SLC35E2B: variants seen among roughly 807,000 people sequenced by gnomAD.
SLC35E2B encodes solute carrier family 35 member E2B, also known as solute carrier family 35, member E2B.
SLC35E2B carries 18 observed loss-of-function variants against 32.4 expected under a neutral mutation model. The observed-to-expected ratio is 0.56, with a 90% CI of 0.38 to 0.82. The LOEUF (loss-of-function observed/expected upper bound fraction) is 0.82, where lower values mean the gene tolerates loss of function less well. Ranked by LOEUF, SLC35E2B falls within the 40% of genes least tolerant of loss-of-function variation. The pLI is 0.00. For synonymous variants in SLC35E2B, 132 were observed against 209.1 expected (o/e 0.63, Z 3.18); for missense variants, 263 against 469.5 (o/e 0.56, Z 4.06).
At chr1:1,685,113 A>C (rs536965280) in intron 2 of SLC35E2B, among the ~76,000 whole-genome samples, 1 of 151,834 alleles carries the variant, frequency 6.6e-6, no homozygotes, top group East Asian at 1.9e-4. Flanking sequence ...CGTCTCAAAA[A>C]AAAAAAAAAA....
In SLC35E2B at chr1:1,663,866, C is replaced by T; in HGVS notation, c.*1916G>A. On this transcript the variant is annotated 3_prime_UTR_variant, in exon 10 of 10. Transcript: ENST00000617444. ...CGCAGCGCAGTGAGCACACACCTGG[C>T]CTGTCCTCCACACACAGGTCAGCGG... 7 of 895,012 alleles carry T rather than the reference C, an allele frequency of 7.8e-6. No homozygotes were observed. The highest frequency in any genetic ancestry group is 9.4e-6 in the Non-Finnish European group (7 of 746,824). 55.4% of individuals were successfully genotyped at this position (895,012 alleles called of 1,614,324 possible).
intron 2 of SLC35E2B, among the ~76,000 whole-genome samples, chr1:1,688,332 C>A (rs1025891862): frequency 1.3e-5 from 2 of 152,080 alleles, no homozygotes; most frequent in Non-Finnish European, 2.9e-5. Flanking sequence ...AACGGCCGGG[C>A]GCGCTGGCTC....
At chr1:1,679,045 C>T (rs934242534) in intron 2 of SLC35E2B, among the ~76,000 whole-genome samples, 3 of 152,178 alleles carry the variant, frequency 2.0e-5, no homozygotes, top group African/African-American at 7.2e-5. Flanking sequence ...GCCTCACGGC[C>T]CTTGACCTCT....
In SLC35E2B at chr1:1,685,265, A is replaced by G. The variant is rs188058238; in HGVS notation, c.-148+5711T>C. Among the ~76,000 whole-genome samples the G allele has an allele frequency of 2.7e-3, 416 of 151,872 alleles. 4 individuals carry two copies. The highest frequency in any genetic ancestry group is 0.02 in the South Asian group (98 of 4,808). The stretch of plus-strand genomic sequence containing the variant: ...GACGAAACCTCATCTCTACCAAAAA[A>G]GTACAAAAATTAGGCCTGGGCACGG... On this transcript the variant is annotated intron_variant, in intron 2 of 9. Coordinates refer to ENST00000617444, the MANE Select transcript of SLC35E2B (RefSeq NM_001290264.2).
At position 1,670,086 on chromosome 1, in the gene SLC35E2B, A is replaced by G. The variant is rs370941743; in HGVS notation, c.761+12T>C. The G allele has an allele frequency of 5.0e-4, 773 of 1,549,078 alleles. 4 individuals are homozygous for G. The highest frequency in any genetic ancestry group is 9.3e-4 in the East Asian group (38 of 40,918). On this transcript the variant is annotated intron_variant, in intron 7 of 9. Transcript: ENST00000617444. ...TTATGACTTGGAGATTTCACTGACGAATAATACTTACGAGAACCTGTATTT... is the reference window on the plus strand; with the variant it reads ...TTATGACTTGGAGATTTCACTGACGGATAATACTTACGAGAACCTGTATTT...
At chr1:1,667,910 T>C (rs1570311531) in intron 9 of SLC35E2B, among the ~76,000 whole-genome samples, 1 of 151,618 alleles carries the variant, frequency 6.6e-6, no homozygotes, top group African/African-American at 2.4e-5. Flanking sequence ...TGGAGTGCAG[T>C]GGTGAGATCT....
At chr1:1,686,228 T>C (rs1418372906) in intron 2 of SLC35E2B, among the ~76,000 whole-genome samples, 1 of 151,850 alleles carries the variant, frequency 6.6e-6, no homozygotes, top group Non-Finnish European at 1.5e-5. Flanking sequence ...GGTCTCGAAC[T>C]CCTGACCTCG....
chr1:1,678,464 T>A (rs2101107930), intron 2 of SLC35E2B, among the ~76,000 whole-genome samples: 1 of 152,044 alleles, frequency 6.6e-6, no homozygotes, highest in Admixed American at 6.6e-5. Context: ...CCCCTCCCCC[T>A]GCTGTGTGTG....
In SLC35E2B at chr1:1,665,914, AAC is replaced by A. The variant is rs1643530331; in HGVS notation, c.1084_1085del (p.Val362TrpfsTer56). 6.4e-7 allele frequency: 1 copy of A among 1,551,238 alleles called. No individual in the cohort carries two copies. The highest frequency in any genetic ancestry group is 8.7e-7 in the Non-Finnish European group (1 of 1,146,982). On this transcript the variant is annotated frameshift_variant, in exon 10 of 10. Transcript: ENST00000617444. LOFTEE classifies it high-confidence loss of function. ...TGGCTTTGTTGTAGAGCAGGACCCC[AAC>A]GGTCACCAGGGCTGTGCCAACGGCC... ...LSAVGTALVT[V>X]GVLLYNKARQ...
Position 1,671,634 on chromosome 1 carries a change from C to T in SLC35E2B, c.587-5G>A, listed in dbSNP as rs1437431912. 10 of 1,539,188 alleles carry T rather than the reference C, an allele frequency of 6.5e-6. No homozygotes were observed. Among genetic ancestry groups the T allele is most frequent in the Middle Eastern group, 1.7e-4 (1 of 5,814 alleles). ...GGGAGAGGTTGACCAGCAGCCCTGG[C>T]GAGAGGACAGCCCCTGTGAGTGGCT... On this transcript the variant is annotated splice_region_variant and splice_polypyrimidine_tract_variant and intron_variant, in intron 5 of 9. Coordinates refer to ENST00000617444, the MANE Select transcript of SLC35E2B (RefSeq NM_001290264.2).
intron 2 of SLC35E2B, among the ~76,000 whole-genome samples, chr1:1,682,036 A>G (rs1643904349): frequency 8.8e-6 from 1 of 113,172 alleles, no homozygotes; most frequent in Non-Finnish European, 1.8e-5. Flanking sequence ...AAAAAAAAAA[A>G]AAAAGAAGAG....
rs965870166 is a variant in SLC35E2B at position 1,692,268 on chromosome 1, A to G, written c.-566+181T>C. Among the ~76,000 whole-genome samples the G allele has an allele frequency of 3.6e-5, 5 of 140,530 alleles. No homozygotes were observed. The South Asian group carries it at 9.1e-4, about 26-fold the overall frequency. The allele number at this position is 140,530 out of a possible 152,430, so 92.2% of individuals were successfully genotyped here. ...TAAAGCCAGCTGGGAAAACCCCACC[A>G]GCGTTTTCCGCGCACAGCGCCAGCC... is the stretch of plus-strand genomic sequence containing the variant. On this transcript the variant is annotated intron_variant, in intron 1 of 9. Transcript: ENST00000617444.
rs1337755241 is a variant in SLC35E2B at position 1,665,704 on chromosome 1, C to T, written c.*78G>A. The T allele has an allele frequency of 2.0e-6, 3 of 1,515,918 alleles. No homozygotes were observed. Among genetic ancestry groups the T allele is most frequent in the Non-Finnish European group, 2.7e-6 (3 of 1,126,668 alleles). The allele number at this position is 1,515,918 out of a possible 1,614,324, so 93.9% of individuals were successfully genotyped here. ...CCCCATGTCCTGCACCCCAGCAGGG[C>T]CATGGAGGAGGGCGTCCCTGCCCAT... On this transcript the variant is annotated 3_prime_UTR_variant, in exon 10 of 10. Transcript: ENST00000617444.
In SLC35E2B at chr1:1,692,545, G is replaced by T. The variant is rs994497868; in HGVS notation, c.-662C>A. 1.0e-6 allele frequency: 1 copy of T among 986,064 alleles called. No individual in the cohort carries two copies. The highest frequency in any genetic ancestry group is 1.2e-6 in the Non-Finnish European group (1 of 830,668). The allele number at this position is 986,064 out of a possible 1,614,324, so 61.1% of individuals were successfully genotyped here. A position where few individuals can be genotyped will look rare whatever the true frequency, so the allele number is the denominator to read the frequency against. On this transcript the variant is annotated 5_prime_UTR_variant, in exon 1 of 10. Coordinates refer to ENST00000617444, the MANE Select transcript of SLC35E2B (RefSeq NM_001290264.2). ...GCGGGCGGGGCCTGAGAGGCGCGCGGTGGAGGGGCCGGGCGCGAGGCCGCG... is the reference window on the plus strand; with the variant it reads ...GCGGGCGGGGCCTGAGAGGCGCGCGTTGGAGGGGCCGGGCGCGAGGCCGCG...
chr1:1,684,131 C>T (rs1207722589), intron 2 of SLC35E2B, among the ~76,000 whole-genome samples: 1 of 152,128 alleles, frequency 6.6e-6, no homozygotes, highest in African/African-American at 2.4e-5. Context: ...GAGACGCTTG[C>T]CCCAGTGCAC....
At chr1:1,685,132 C>T (rs1481955738) in intron 2 of SLC35E2B, among the ~76,000 whole-genome samples, 2 of 148,576 alleles carry the variant, frequency 1.3e-5, no homozygotes, top group South Asian at 2.1e-4. Context: ...AAAGTTGGAG[C>T]ATTTTTTGCC....
intron 9 of SLC35E2B, among the ~76,000 whole-genome samples, chr1:1,667,223 G>A (rs1424251274): frequency 6.7e-6 from 1 of 149,496 alleles, no homozygotes; most frequent in Non-Finnish European, 1.5e-5. Flanking sequence ...TGGCTAACAC[G>A]GTGAAACCCT....
In SLC35E2B at chr1:1,665,026, G is replaced by A. The variant is rs1643504882; in HGVS notation, c.*756C>T. 1.0e-6 allele frequency: 1 copy of A among 966,540 alleles called. No homozygotes were observed. 59.9% of individuals were successfully genotyped at this position (966,540 alleles called of 1,614,324 possible). The stretch of plus-strand genomic sequence containing the variant: ...TCAGGGCTGGAAACCCCCACAGGTA[G>A]GAGGGCAGGGTGCCCTGGGGTTGCG... On this transcript the variant is annotated 3_prime_UTR_variant, in exon 10 of 10. Transcript: ENST00000617444.
chr1:1,665,648 G>A lies in SLC35E2B; in HGVS notation c.*134C>T, dbSNP rs1014795432. ...TTCTGCTGGTCTTCACCGACAAACC[G>A]AGAAAGCCGCAGGCAATGGCCAACT... On this transcript the variant is annotated 3_prime_UTR_variant, in exon 10 of 10. Coordinates refer to ENST00000617444, the MANE Select transcript of SLC35E2B (RefSeq NM_001290264.2). 162 of 1,377,946 alleles carry A rather than the reference G, an allele frequency of 1.2e-4. No homozygotes were observed. The highest frequency in any genetic ancestry group is 1.3e-4 in the Non-Finnish European group (136 of 1,043,610). The allele number at this position is 1,377,946 out of a possible 1,614,324, so 85.4% of individuals were successfully genotyped here. A position where few individuals can be genotyped will look rare whatever the true frequency, so the allele number is the denominator to read the frequency against.
Sources: allele counts gnomAD v4.1 joint callset (sites outside exome capture counted in the v4.1 genomes callset), GRCh38; gene constraint gnomAD v4.1.1; transcripts MANE v1.5; gene names NCBI Gene and HGNC (gene_info 2026-07-23, HGNC 2026-07-21).